The following RBFOX1 variants were observed in gnomAD, a reference collection of about 807,000 sequenced individuals.
RBFOX1 encodes the protein RNA binding fox-1 homolog 1.
Under a neutral mutation model 57.7 loss-of-function variants are expected in RBFOX1, and 8 were observed. The observed-to-expected ratio is 0.14, with a 90% CI of 0.08 to 0.25. The LOEUF (loss-of-function observed/expected upper bound fraction) is 0.25. Among genes scored for constraint, RBFOX1 ranks in the 10% least tolerant of loss-of-function variants. The probability of loss-of-function intolerance (pLI) is 1.00; values close to 1 mark genes in which losing one functional copy is unlikely to be tolerated. For missense variants in RBFOX1, 611 were observed against 548.5 expected (o/e 1.11, Z -1.14); for synonymous variants, 326 against 222.4 (o/e 1.47, Z -4.15).
At chr16:5,453,896 T>G (rs1021484609) in intron 1 of RBFOX1, among the ~76,000 whole-genome samples, 1 of 152,034 alleles carries the variant, frequency 6.6e-6, no homozygotes, top group African/African-American at 2.4e-5. Flanking sequence ...GCTGGGAGAT[T>G]TTGTTGGGGT....
chr16:7,319,226 A>T (rs910408222), intron 4 of RBFOX1, among the ~76,000 whole-genome samples: 2 of 152,056 alleles, frequency 1.3e-5, no homozygotes, highest in African/African-American at 2.4e-5. Flanking sequence ...ACAAATGGCC[A>T]CCCTGGAGTC....
At chr16:7,094,777 G>GTGTGTGTGTGT (rs1567232668) in intron 4 of RBFOX1, among the ~76,000 whole-genome samples, 66 of 53,608 alleles carry the variant, frequency 1.2e-3, no homozygotes, top group African/African-American at 1.9e-3. Flanking sequence ...TGTGTGTGTG[G>GTGTGTGTGTGT]GTGTGTGTGT....
At chr16:7,595,710 C>G in intron 8 of RBFOX1, 69 bp downstream of exon 8, 1 of 1,308,290 alleles carries the variant, frequency 7.6e-7, no homozygotes, top group South Asian at 1.7e-5. Context: ...TTCGTTGTTC[C>G]AGATGCATCA....
chr16:6,637,188 C>T lies in RBFOX1; in HGVS notation c.-63-17415C>T, dbSNP rs1236717142. Reference sequence around the variant, plus strand: ...TATATTATATATATTATATAATATACAATATATATTATATATTATATATAT... The same window carrying T: ...TATATTATATATATTATATAATATATAATATATATTATATATTATATATAT... On this transcript the variant is annotated intron_variant, in intron 2 of 15. Coordinates refer to ENST00000550418, the MANE Select transcript of RBFOX1 (RefSeq NM_018723.4). Among the ~76,000 whole-genome samples the T allele has an allele frequency of 2.3e-4, 13 of 56,996 alleles. 1 individual carries two copies. Among genetic ancestry groups the T allele is most frequent in the Admixed American group, 6.6e-4 (2 of 3,028 alleles). 37.4% of individuals were successfully genotyped at this position (56,996 alleles called of 152,430 possible). A position where few individuals can be genotyped will look rare whatever the true frequency, so the allele number is the denominator to read the frequency against.
At chr16:6,571,481 C>G (rs1324099409) in intron 2 of RBFOX1, among the ~76,000 whole-genome samples, 2 of 152,176 alleles carry the variant, frequency 1.3e-5, no homozygotes, top group Admixed American at 6.5e-5. Context: ...GATTTTCTTT[C>G]CTGATTTGAG....
intron 3 of RBFOX1, among the ~76,000 whole-genome samples, chr16:5,814,357 G>C (rs1051209097): frequency 6.6e-6 from 1 of 152,194 alleles, no homozygotes; most frequent in Non-Finnish European, 1.5e-5. Flanking sequence ...GAAGATCTCT[G>C]TTTGCTTCCT....
chr16:7,529,626 T>C (rs1758112932), intron 5 of RBFOX1, among the ~76,000 whole-genome samples: 1 of 152,230 alleles, frequency 6.6e-6, no homozygotes, highest in Admixed American at 6.5e-5. Context: ...TGGGTTCTCC[T>C]GTTCACTACT....
At chr16:5,695,709 A>G (rs1596799629) in intron 3 of RBFOX1, among the ~76,000 whole-genome samples, 2 of 152,342 alleles carry the variant, frequency 1.3e-5, no homozygotes, top group East Asian at 3.9e-4. Context: ...GCTTGGAATT[A>G]GGATGACTAA....
At chr16:6,789,751 T>C (rs936702275) in intron 3 of RBFOX1, among the ~76,000 whole-genome samples, 33 of 152,294 alleles carry the variant, frequency 2.2e-4, no homozygotes, top group Admixed American at 1.3e-3. Flanking sequence ...GTCTGCATAG[T>C]AGTCTCTTAG....
chr16:6,540,127 C>T (rs1216106973), intron 2 of RBFOX1, among the ~76,000 whole-genome samples: 1 of 152,208 alleles, frequency 6.6e-6, no homozygotes, highest in South Asian at 2.1e-4. Flanking sequence ...ATGTTTTTAG[C>T]ATAATGACCT....
At chr16:5,306,455 G>C (rs564316622) in intron 1 of RBFOX1, among the ~76,000 whole-genome samples, 1 of 152,018 alleles carries the variant, frequency 6.6e-6, no homozygotes, top group Non-Finnish European at 1.5e-5. Context: ...AAATAGCTGG[G>C]ATTATAGGTG....
chr16:5,588,153 CAAAT>C (rs1158883358), intron 2 of RBFOX1, among the ~76,000 whole-genome samples: 1 of 151,892 alleles, frequency 6.6e-6, no homozygotes, highest in East Asian at 1.9e-4. Context: ...AAGTCCCACA[CAAAT>C]AAATCCATAA....
intron 3 of RBFOX1, among the ~76,000 whole-genome samples, chr16:5,823,123 C>T (rs1249659532): frequency 1.3e-5 from 2 of 152,188 alleles, no homozygotes; most frequent in East Asian, 1.9e-4. Flanking sequence ...TCTGCCTACC[C>T]ATTGCCTTAC....
At chr16:6,200,463 T>C (rs965902825) in intron 1 of RBFOX1, among the ~76,000 whole-genome samples, 24 of 152,094 alleles carry the variant, frequency 1.6e-4, no homozygotes, top group Non-Finnish European at 2.8e-4. Flanking sequence ...AGCAAGAGTG[T>C]ATACCATCAG....
At chr16:7,464,264 C>T (rs1001575297) in intron 4 of RBFOX1, among the ~76,000 whole-genome samples, 1 of 152,164 alleles carries the variant, frequency 6.6e-6, no homozygotes, top group African/African-American at 2.4e-5. Context: ...ACAGTTTAGC[C>T]ATTGGAGCTC....
chr16:5,354,071 C>T (rs1334650547), intron 1 of RBFOX1, among the ~76,000 whole-genome samples: 4 of 38,548 alleles, frequency 1.0e-4, no homozygotes, highest in Non-Finnish European at 7.6e-4. Flanking sequence ...GCTGGGAGGC[C>T]AGTCTCCACC....
intron 3 of RBFOX1, among the ~76,000 whole-genome samples, chr16:6,756,778 C>A (rs542557454): frequency 6.6e-6 from 1 of 152,062 alleles, no homozygotes; most frequent in African/African-American, 2.4e-5. Flanking sequence ...TCGAGACCAG[C>A]CTGGCCAACA....
At chr16:5,993,401 G>C (rs77495111) in intron 4 of RBFOX1, among the ~76,000 whole-genome samples, 6,255 of 73,530 alleles carry the variant, frequency 0.085, 200 homozygotes, top group East Asian at 0.23. Context: ...GAGAGAGACA[G>C]AGAGAGAGAG....
intron 3 of RBFOX1, among the ~76,000 whole-genome samples, chr16:6,980,708 C>G (rs927177254): frequency 2.0e-5 from 3 of 152,198 alleles, no homozygotes; most frequent in Admixed American, 2.0e-4. Context: ...TTGGAGGGAG[C>G]AATGTCATCA....
Sources: gnomAD v4.1 joint callset for allele counts (sites outside exome capture counted in the v4.1 genomes callset) on GRCh38, gnomAD v4.1.1 for gene constraint, MANE v1.5 for transcripts, NCBI Gene and HGNC (gene_info 2026-07-23, HGNC 2026-07-21) for gene names.